MCTP1: variants seen among roughly 807,000 people sequenced by gnomAD.
MCTP1 encodes multiple C2 and transmembrane domain containing 1.
In MCTP1, 69 loss-of-function variants were observed where a neutral mutation model predicts 120.6. The ratio of observed to expected loss-of-function variants is 0.57; its 90% CI spans 0.47 to 0.70. The LOEUF (loss-of-function observed/expected upper bound fraction) is 0.70. Among genes scored for constraint, MCTP1 ranks in the 30% least tolerant of loss-of-function variants. The pLI is 0.00. For missense variants in MCTP1, 1,203 were observed against 1,248.8 expected (o/e 0.96, Z 0.55); for synonymous variants, 529 against 493.1 (o/e 1.07, Z -0.96).
chr5:95,215,097 A>G (rs981315661), intron 1 of MCTP1, among the ~76,000 whole-genome samples: 3 of 152,242 alleles, frequency 2.0e-5, no homozygotes, highest in South Asian at 4.1e-4. Flanking sequence ...AATCACACTC[A>G]TATGTATGTA....
chr5:94,949,369 A>T (rs895481526), intron 3 of MCTP1, among the ~76,000 whole-genome samples: 2 of 152,130 alleles, frequency 1.3e-5, no homozygotes, highest in East Asian at 1.9e-4. Flanking sequence ...AACTAAAAGC[A>T]CTGCATTTTA....
intron 1 of MCTP1, chr5:95,166,292 G>C (rs1318185831): frequency 2.0e-5 from 3 of 151,988 alleles, no homozygotes; most frequent in East Asian, 3.9e-4. Flanking sequence ...TAAAAGCTTT[G>C]AGTTCTCCAA....
intron 18 of MCTP1, among the ~76,000 whole-genome samples, chr5:94,783,524 A>G (rs564507028): frequency 3.3e-5 from 5 of 152,104 alleles, no homozygotes; most frequent in African/African-American, 7.2e-5. Flanking sequence ...AAAACATGAC[A>G]TGTTTGGTAT....
rs1760628351 is a variant in MCTP1 at position 95,284,910 on chromosome 5, T to TC, written c.-336dup. Among the ~76,000 whole-genome samples, 1 of 151,704 alleles carries TC rather than the reference T, an allele frequency of 6.6e-6. No individual in the cohort carries two copies. Among genetic ancestry groups the TC allele is most frequent in the Middle Eastern group, 3.2e-3 (1 of 316 alleles). On this transcript the variant is annotated 5_prime_UTR_variant, in exon 1 of 23. Transcript: ENST00000515393. The surrounding 1 kb of genome is among the most constrained non-coding windows in gnomAD (Gnocchi z 5.2). ...GCTCCGCGGCTCCAGTCCACTGGCGTCCCCCAGGCCGCGCCCTGGCTCCCT... is the reference window on the plus strand; with the variant it reads ...GCTCCGCGGCTCCAGTCCACTGGCGTCCCCCCAGGCCGCGCCCTGGCTCCCT...
At chr5:94,874,176 T>G (rs1208252917) in intron 12 of MCTP1, among the ~76,000 whole-genome samples, 1 of 152,084 alleles carries the variant, frequency 6.6e-6, no homozygotes, top group Non-Finnish European at 1.5e-5. Flanking sequence ...ACAATATTGA[T>G]TTAGACTACA....
chr5:95,039,564 T>C (rs895560153), intron 1 of MCTP1, among the ~76,000 whole-genome samples: 1 of 152,220 alleles, frequency 6.6e-6, no homozygotes, highest in Non-Finnish European at 1.5e-5. Flanking sequence ...GTTTGTGAGA[T>C]TTAAAATTCT....
intron 2 of MCTP1, among the ~76,000 whole-genome samples, chr5:94,991,877 C>CAA (rs11389362): frequency 0.073 from 11,022 of 150,524 alleles, 1,302 homozygotes; most frequent in African/African-American, 0.25. Flanking sequence ...AACTCCATCT[C>CAA]AAAAAAAAAT....
In MCTP1 at chr5:94,936,262, T is replaced by C. The variant is rs530234809; in HGVS notation, c.1173+3822A>G. Among the ~76,000 whole-genome samples, 5 of 152,138 alleles carry C rather than the reference T, an allele frequency of 3.3e-5. No homozygotes were observed. The South Asian group carries it at 1.0e-3, about 32-fold the overall frequency. ...AGAAAAAAAACCATACACCCTCCCT[T>C]GGTCTTTTGAAGTCATCATAAGGAA... On this transcript the variant is annotated intron_variant, in intron 5 of 22. Coordinates refer to ENST00000515393, the MANE Select transcript of MCTP1 (RefSeq NM_024717.7).
At chr5:94,977,372 A>G (rs1429292913) in intron 2 of MCTP1, among the ~76,000 whole-genome samples, 3 of 152,124 alleles carry the variant, frequency 2.0e-5, no homozygotes, top group Non-Finnish European at 4.4e-5. Flanking sequence ...GAAAAATGGA[A>G]TATTGTTAAA....
intron 17 of MCTP1, among the ~76,000 whole-genome samples, chr5:94,861,820 A>G (rs1459000122): frequency 6.6e-6 from 1 of 151,772 alleles, no homozygotes; most frequent in Non-Finnish European, 1.5e-5. Flanking sequence ...TAAAATATTG[A>G]CCATGTAACA....
At chr5:95,090,399 G>C (rs575691255) in intron 1 of MCTP1, among the ~76,000 whole-genome samples, 5 of 152,152 alleles carry the variant, frequency 3.3e-5, no homozygotes, top group African/African-American at 1.2e-4. Context: ...TCTGTGAGCT[G>C]ATCCTTCTCA....
chr5:95,109,255 A>G (rs1757293765), intron 1 of MCTP1, among the ~76,000 whole-genome samples: 1 of 152,222 alleles, frequency 6.6e-6, no homozygotes, highest in South Asian at 2.1e-4. Flanking sequence ...AGGATGCACC[A>G]TTTAAGCAAA....
intron 17 of MCTP1, chr5:94,867,439 G>T: frequency 1.0e-6 from 1 of 965,758 alleles, no homozygotes; most frequent in African/African-American, 1.6e-5. Flanking sequence ...TCATTTGAAT[G>T]GTAATACTAA....
chr5:95,225,942 G>A (rs963330811), intron 1 of MCTP1, among the ~76,000 whole-genome samples: 76 of 152,252 alleles, frequency 5.0e-4, no homozygotes, highest in Middle Eastern at 3.4e-3. Flanking sequence ...TCTGATGCAT[G>A]ACCTGTTTTG....
chr5:94,852,550 T>C (rs942571448), intron 17 of MCTP1, among the ~76,000 whole-genome samples: 1 of 151,986 alleles, frequency 6.6e-6, no homozygotes, highest in African/African-American at 2.4e-5. Context: ...ATCCTAAGGC[T>C]ATCTATCAAA....
chr5:94,964,683 T>G (rs527914788), intron 2 of MCTP1, among the ~76,000 whole-genome samples: 12 of 152,320 alleles, frequency 7.9e-5, no homozygotes, highest in Admixed American at 2.6e-4. Context: ...GGTTTCCATT[T>G]AAATAGAATA....
chr5:95,097,188 A>T (rs1332979734), intron 1 of MCTP1, among the ~76,000 whole-genome samples: 1 of 152,220 alleles, frequency 6.6e-6, no homozygotes, highest in Non-Finnish European at 1.5e-5. Context: ...TCATGTTCTT[A>T]AATAGAGCAA....
At chr5:94,838,786 A>G (rs768280034) in intron 17 of MCTP1, among the ~76,000 whole-genome samples, 42 of 152,294 alleles carry the variant, frequency 2.8e-4, no homozygotes, top group African/African-American at 9.6e-4. Flanking sequence ...AGAGAGCTTT[A>G]GAGTATATAT....
At chr5:94,950,017 T>C (rs1425425896) in intron 3 of MCTP1, among the ~76,000 whole-genome samples, 1 of 151,152 alleles carries the variant, frequency 6.6e-6, no homozygotes, top group Admixed American at 6.6e-5. Context: ...ACACAAATAA[T>C]GGAAAAAATA....
Sources: allele counts gnomAD v4.1 joint callset (sites outside exome capture counted in the v4.1 genomes callset), GRCh38; gene constraint gnomAD v4.1.1; non-coding constraint Gnocchi (gnomAD v3.1); transcripts MANE v1.5; gene names NCBI Gene and HGNC (gene_info 2026-07-23, HGNC 2026-07-21).